The following IFITM10 variants were observed in gnomAD, a reference collection of about 807,000 sequenced individuals.
IFITM10 encodes the protein interferon induced transmembrane protein 10.
Under a neutral mutation model 19.0 loss-of-function variants are expected in IFITM10, and 17 were observed. The observed-to-expected ratio is 0.90, with a 90% CI of 0.61 to 1.34. The LOEUF is 1.34. Ranked by LOEUF, IFITM10 falls within the 40% of genes most tolerant of loss-of-function variation. The probability of loss-of-function intolerance (pLI) is 0.00; values close to 1 mark genes in which losing one functional copy is unlikely to be tolerated. For synonymous variants in IFITM10, 148 were observed against 147.2 expected, an observed-to-expected ratio of 1.01 and a Z score of -0.04; for missense variants, 306 against 319.8, an observed-to-expected ratio of 0.96 and a Z score of 0.33.
At chr11:1,736,560 C>A (rs1050808765) in intron 2 of IFITM10, among the ~76,000 whole-genome samples, 1 of 151,618 alleles carries the variant, frequency 6.6e-6, no homozygotes, top group African/African-American at 2.4e-5. Flanking sequence ...GGAGCAAATG[C>A]AGTGAAGTGA....
At position 1,747,768 on chromosome 11, in the gene IFITM10, C is replaced by A; in HGVS notation, c.436G>T (p.Asp146Tyr). The A allele has an allele frequency of 6.4e-7, 1 of 1,551,830 alleles. No individual in the cohort carries two copies. Among genetic ancestry groups the A allele is most frequent in the Middle Eastern group, 1.7e-4 (1 of 5,990 alleles). ...NPTTVIEVYP[D>Y]TTEVNDYYLW... ...TAATAGTCGTTCACCTCGGTGGTGT[C>A]CGGGTAGACCTCGATGACGGTCGTG... is the stretch of plus-strand genomic sequence containing the variant. The change falls in exon 2 of 3, where the codon GAC becomes TAC. Residue 146 changes from aspartate to tyrosine, a missense_variant. Coordinates refer to ENST00000340134, the MANE Select transcript of IFITM10 (RefSeq NM_001170820.4).
chr11:1,739,216 G>C (rs535189089), intron 2 of IFITM10, among the ~76,000 whole-genome samples: 1 of 152,270 alleles, frequency 6.6e-6, no homozygotes, highest in East Asian at 1.9e-4. Flanking sequence ...TCCATGGCTG[G>C]ATATAGTAAC....
chr11:1,739,981 C>G (rs186536796), intron 2 of IFITM10, among the ~76,000 whole-genome samples: 83 of 152,098 alleles, frequency 5.5e-4, no homozygotes, highest in African/African-American at 1.9e-3. Context: ...CATATGTGAA[C>G]GAGGCAGTGC....
chr11:1,748,267 C>T (rs981530664), intron 1 of IFITM10, 148 bp from the exon 2 acceptor site: 2 of 573,222 alleles, frequency 3.5e-6, no homozygotes, highest in Admixed American at 4.0e-5. Context: ...CTCCCCCACC[C>T]GCCCCGGGCC....
rs1422688894 is a variant in IFITM10 at position 1,748,061 on chromosome 11, C to T, written c.143G>A (p.Gly48Asp). The T allele has an allele frequency of 3.5e-6, 5 of 1,418,854 alleles. No individual in the cohort carries two copies. The African/African-American group carries it at 5.9e-5, about 17-fold the overall frequency. The allele number at this position is 1,418,854 out of a possible 1,614,324, so 87.9% of individuals were successfully genotyped here. ...PLGDPASTTD[G>D]AQEARVPLDG... Reference sequence around the variant, plus strand: ...CAGGGGGACTCGGGCTTCCTGGGCGCCGTCCGTGGTGCTGGCCGGGTCTCC... The same window carrying T: ...CAGGGGGACTCGGGCTTCCTGGGCGTCGTCCGTGGTGCTGGCCGGGTCTCC... Residue 48 changes from glycine to aspartate, a missense_variant, in exon 2 of 3, where the codon GGC becomes GAC. Coordinates refer to ENST00000340134, the MANE Select transcript of IFITM10 (RefSeq NM_001170820.4).
In IFITM10 at chr11:1,748,092, G is replaced by C; in HGVS notation, c.112C>G (p.Pro38Ala). 7.1e-7 allele frequency: 1 copy of C among 1,406,984 alleles called. No individual in the cohort carries two copies. Among genetic ancestry groups the C allele is most frequent in the Non-Finnish European group, 9.2e-7 (1 of 1,088,062 alleles). 87.2% of individuals were successfully genotyped at this position (1,406,984 alleles called of 1,614,324 possible). A position where few individuals can be genotyped will look rare whatever the true frequency, so the allele number is the denominator to read the frequency against. ...GTGGTGCTGGCCGGGTCTCCCAGCG[G>C]GGCTGGGCACTGGCCGGGGCCCTGG... ...EAQGPGQCPA[P>A]LGDPASTTDG... The change falls in exon 2 of 3, where the codon CCG becomes GCG. Residue 38 changes from proline to alanine, a missense_variant. Transcript: ENST00000340134.
Position 1,750,344 on chromosome 11 carries a change from G to C in IFITM10, c.84+15C>G. 1 of 1,550,174 alleles carries C rather than the reference G, an allele frequency of 6.5e-7. No homozygotes were observed. Among genetic ancestry groups the C allele is most frequent in the Non-Finnish European group, 8.7e-7 (1 of 1,146,920 alleles). On this transcript the variant is annotated intron_variant, in intron 1 of 2. Transcript: ENST00000340134. ...TCACCACGCAGGTTCCCTGAGCTGG[G>C]TCCTCTTCACCAACCTCCAGCTCCC...
chr11:1,735,206 T>C lies in IFITM10; in HGVS notation c.*74A>G, dbSNP rs926640679. ...CCTGCCCTGCCCCAACCTCATGGGA[T>C]CCTGCGTTTCAGGGACCATGAGAAT... is the stretch of plus-strand genomic sequence containing the variant. On this transcript the variant is annotated 3_prime_UTR_variant, in exon 3 of 3. Transcript: ENST00000340134. 2.7e-6 allele frequency: 4 copies of C among 1,482,090 alleles called. No homozygotes were observed. The African/African-American group carries it at 5.6e-5, about 21-fold the overall frequency. 91.8% of individuals were successfully genotyped at this position (1,482,090 alleles called of 1,614,324 possible).
intron 2 of IFITM10, 106 bp downstream of exon 2, chr11:1,747,561 T>C: frequency 1.0e-6 from 1 of 966,758 alleles, no homozygotes; most frequent in Admixed American, 2.3e-5. Flanking sequence ...GTTCTACCCG[T>C]GTGCTCCCCT....
chr11:1,750,296 T>A, intron 1 of IFITM10, 63 bp downstream of exon 1: 1 of 1,549,252 alleles, frequency 6.5e-7, no homozygotes, highest in South Asian at 1.2e-5. Context: ...CAGCCTTCCC[T>A]CCCTCCCTCC....
intron 2 of IFITM10, among the ~76,000 whole-genome samples, chr11:1,740,692 G>A (rs1845555896): frequency 6.6e-6 from 1 of 152,162 alleles, no homozygotes; most frequent in African/African-American, 2.4e-5. Flanking sequence ...GAGGTCTAGG[G>A]CAGAGATATA....
At chr11:1,737,771 C>G (rs1456374500) in intron 2 of IFITM10, among the ~76,000 whole-genome samples, 1 of 152,178 alleles carries the variant, frequency 6.6e-6, no homozygotes, top group Non-Finnish European at 1.5e-5. Flanking sequence ...AGAATTTCCA[C>G]AAGATAAACT....
intron 2 of IFITM10, among the ~76,000 whole-genome samples, chr11:1,743,972 C>T (rs1845604914): frequency 6.6e-6 from 1 of 152,210 alleles, no homozygotes; most frequent in Admixed American, 6.5e-5. Context: ...CTTCCATCTC[C>T]CATTGAGGAC....
At chr11:1,738,042 T>C (rs55711919) in intron 2 of IFITM10, among the ~76,000 whole-genome samples, 60,435 of 150,410 alleles carry the variant, frequency 0.4, 13,460 homozygotes, top group African/African-American at 0.6. Flanking sequence ...AAGAGGAGGG[T>C]GGGGGAGTGA....
chr11:1,738,713 A>G (rs999419471), intron 2 of IFITM10, among the ~76,000 whole-genome samples: 4 of 152,180 alleles, frequency 2.6e-5, no homozygotes, highest in Non-Finnish European at 4.4e-5. Context: ...ACTTCTGGAC[A>G]TGTGTTGAAG....
At chr11:1,749,149 G>A (rs1402304426) in intron 1 of IFITM10, 4 of 969,988 alleles carry the variant, frequency 4.1e-6, no homozygotes, top group Middle Eastern at 5.0e-4. Flanking sequence ...GGGAGCGCGC[G>A]GGGCTCGGCG....
intron 2 of IFITM10, chr11:1,745,897 G>C (rs932578392): frequency 7.1e-6 from 1 of 141,712 alleles, no homozygotes; most frequent in African/African-American, 2.7e-5. Context: ...GCACACTCAG[G>C]TACATACAGA....
chr11:1,750,174 C>A, intron 1 of IFITM10, 185 bp downstream of exon 1: 1 of 568,518 alleles, frequency 1.8e-6, no homozygotes, highest in Non-Finnish European at 2.2e-6. Context: ...TCCTCCCAGC[C>A]TCAGCCGCCT....
At chr11:1,739,201 G>A (rs891789882) in intron 2 of IFITM10, among the ~76,000 whole-genome samples, 1 of 152,120 alleles carries the variant, frequency 6.6e-6, no homozygotes, top group African/African-American at 2.4e-5. Context: ...GATGGCTGGA[G>A]CAGGTCCATG....
Sources: allele counts gnomAD v4.1 joint callset (sites outside exome capture counted in the v4.1 genomes callset), GRCh38; gene constraint gnomAD v4.1.1; transcripts MANE v1.5; gene names NCBI Gene and HGNC (gene_info 2026-07-23, HGNC 2026-07-21).